The following IL17RD variants were observed in gnomAD, a reference collection of about 807,000 sequenced individuals.
IL17RD encodes the protein interleukin 17 receptor D.
A neutral mutation model predicts 80.5 loss-of-function variants in IL17RD; 52 were observed. The ratio of observed to expected loss-of-function variants is 0.65; its 90% CI spans 0.52 to 0.81. The LOEUF (loss-of-function observed/expected upper bound fraction) is 0.81. Ranked by LOEUF, IL17RD falls within the 40% of genes least tolerant of loss-of-function variation. The pLI is 0.00. For missense variants in IL17RD, 1,024 were observed against 955.1 expected, an observed-to-expected ratio of 1.07 and a Z score of -0.95; for synonymous variants, 416 against 391.8, an observed-to-expected ratio of 1.06 and a Z score of -0.73.
In IL17RD at chr3:57,092,792, C is replaced by A. The variant is rs896580713; in HGVS notation, c.*3601G>T. On this transcript the variant is annotated 3_prime_UTR_variant, in exon 13 of 13. Coordinates refer to ENST00000296318, the MANE Select transcript of IL17RD (RefSeq NM_017563.5). Reference sequence around the variant, plus strand: ...AAAGAAGCAATCTAACTACTGGCTGCATTTAGCAAGAGCATTTTCTGGTGG... The same window carrying A: ...AAAGAAGCAATCTAACTACTGGCTGAATTTAGCAAGAGCATTTTCTGGTGG... The A allele has an allele frequency of 1.3e-5, 2 of 152,176 alleles. No individual in the cohort carries two copies. The highest frequency in any genetic ancestry group is 2.9e-5 in the Non-Finnish European group (2 of 68,028). The allele number at this position is 152,176 out of a possible 1,614,324, so 9.4% of individuals were successfully genotyped here. A position where few individuals can be genotyped will look rare whatever the true frequency, so the allele number is the denominator to read the frequency against.
chr3:57,100,598 G>A (rs571982689), intron 11 of IL17RD, among the ~76,000 whole-genome samples: 1 of 152,252 alleles, frequency 6.6e-6, no homozygotes, highest in South Asian at 2.1e-4. Context: ...TCTGGCCAGT[G>A]CCGTCTCCTG....
chr3:57,114,321 G>A (rs949061605), intron 3 of IL17RD, among the ~76,000 whole-genome samples: 1 of 152,180 alleles, frequency 6.6e-6, no homozygotes, highest in Non-Finnish European at 1.5e-5. Context: ...TGTCCGCGGA[G>A]ACTGCTAATG....
In IL17RD at chr3:57,096,487, G is replaced by T; in HGVS notation, c.2126C>A (p.Ala709Asp). ...AGAAGAGAGGAGCTTGGAAGGAAGG[G>T]CAGGAGGTTCCTCCTCACCTAAGGA... is the stretch of plus-strand genomic sequence containing the variant. ...SSGLGEEEPP[A>D]LPSKLLSSGS... Residue 709 changes from alanine (A) to aspartate (D), a missense_variant, in exon 13 of 13, where the codon GCC becomes GAC. Coordinates refer to ENST00000296318, the MANE Select transcript of IL17RD (RefSeq NM_017563.5). 1 of 1,612,778 alleles carries T rather than the reference G, an allele frequency of 6.2e-7. No individual in the cohort carries two copies. Among genetic ancestry groups the T allele is most frequent in the Non-Finnish European group, 8.5e-7 (1 of 1,178,748 alleles).
rs1433927455 is a variant in IL17RD, at chr3:57,105,846, C to T, written c.747+11G>A. ...CACGCAGTGTTCCTTTATATACACC[C>T]AGCAGCTCACCTGCTTACAGGTCTT... On this transcript the variant is annotated intron_variant, in intron 7 of 12. Coordinates refer to ENST00000296318, the MANE Select transcript of IL17RD (RefSeq NM_017563.5). The T allele has an allele frequency of 1.2e-6, 2 of 1,612,380 alleles. No homozygotes were observed. Among genetic ancestry groups the T allele is most frequent in the East Asian group, 2.2e-5 (1 of 44,870 alleles).
intron 1 of IL17RD, among the ~76,000 whole-genome samples, chr3:57,157,232 A>G (rs904238969): frequency 1.3e-5 from 2 of 152,190 alleles, no homozygotes; most frequent in African/African-American, 4.8e-5. Flanking sequence ...TTGAATGTCA[A>G]CAAACTGCTT....
At chr3:57,097,083 G>A (rs59125473) in intron 12 of IL17RD, among the ~76,000 whole-genome samples, 9,359 of 151,942 alleles carry the variant, frequency 0.062, 395 homozygotes, top group African/African-American at 0.12. Flanking sequence ...AGCCTGAGAT[G>A]GCATCTACCT....
Position 57,093,438 on chromosome 3 carries a change from C to T in IL17RD, c.*2955G>A, listed in dbSNP as rs551967499. On this transcript the variant is annotated 3_prime_UTR_variant, in exon 13 of 13. Coordinates refer to ENST00000296318, the MANE Select transcript of IL17RD (RefSeq NM_017563.5). ...TTTTCCTCAAGGAATAAAATTGGTC[C>T]TCTTGCCCCTTATTTCTTTTAAAAG... is the stretch of plus-strand genomic sequence containing the variant. 3.9e-5 allele frequency: 6 copies of T among 152,182 alleles called. No individual in the cohort carries two copies. In the East Asian group the frequency reaches 1.2e-3, roughly 29 times the overall value. The allele number at this position is 152,182 out of a possible 1,614,324, so 9.4% of individuals were successfully genotyped here. A position where few individuals can be genotyped will look rare whatever the true frequency, so the allele number is the denominator to read the frequency against.
At position 57,105,866 on chromosome 3, in the gene IL17RD, G is replaced by A. The variant is rs143892890; in HGVS notation, c.738C>T (p.Thr246=). 1.2e-6 allele frequency: 2 copies of A among 1,613,702 alleles called. No individual in the cohort carries two copies. The highest frequency in any genetic ancestry group is 1.1e-5 in the South Asian group (1 of 91,042). ...LKHEGPFKRK[T]CKQEQTTETT... ...ACACCCAGCAGCTCACCTGCTTACA[G>A]GTCTTTCGCTTGAAAGGTCCTTCGT... Residue 246 remains threonine (T), a synonymous_variant, in exon 7 of 13, where the codon ACC becomes ACT. Transcript: ENST00000296318.
At chr3:57,146,045 G>GCA (rs1553627648) in intron 1 of IL17RD, among the ~76,000 whole-genome samples, 3,969 of 151,232 alleles carry the variant, frequency 0.026, 71 homozygotes, top group Admixed American at 0.045. Flanking sequence ...GCGCGCGCGC[G>GCA]CACACACACA....
At position 57,095,296 on chromosome 3, in the gene IL17RD, T is replaced by C. The variant is rs1171340153; in HGVS notation, c.*1097A>G. On this transcript the variant is annotated 3_prime_UTR_variant, in exon 13 of 13. Coordinates refer to ENST00000296318, the MANE Select transcript of IL17RD (RefSeq NM_017563.5). ...AGATGGGATGTGAACAATTGTTTTT[T>C]CTTTAGAAATAGAAACTCTGTAGAA... 6.6e-6 allele frequency: 1 copy of C among 152,256 alleles called. No individual in the cohort carries two copies. Among genetic ancestry groups the C allele is most frequent in the African/African-American group, 2.4e-5 (1 of 41,462 alleles). The allele number at this position is 152,256 out of a possible 1,614,324, so 9.4% of individuals were successfully genotyped here.
At chr3:57,110,077 G>C in intron 4 of IL17RD, 116 bp downstream of exon 4, 2 of 1,182,574 alleles carry the variant, frequency 1.7e-6, no homozygotes, top group Admixed American at 2.2e-5. Flanking sequence ...TGCCCACCTT[G>C]GCGGGTGGGG....
At chr3:57,125,355 C>T (rs1707436981) in intron 1 of IL17RD, among the ~76,000 whole-genome samples, 1 of 151,800 alleles carries the variant, frequency 6.6e-6, no homozygotes, top group Admixed American at 6.6e-5. Flanking sequence ...TGCAGTGAGC[C>T]AAGATCGCGC....
chr3:57,114,964 T>G, intron 2 of IL17RD, 147 bp from the exon 3 acceptor site: 2 of 591,922 alleles, frequency 3.4e-6, no homozygotes, highest in Non-Finnish European at 5.7e-6. Flanking sequence ...AAATAAGACA[T>G]GAGAGGTTGA....
intron 2 of IL17RD, among the ~76,000 whole-genome samples, chr3:57,116,862 C>T (rs1255690958): frequency 6.8e-6 from 1 of 146,516 alleles, no homozygotes; most frequent in African/African-American, 2.5e-5. Flanking sequence ...CTGTAAAAAT[C>T]CTGGCTGAGA....
At chr3:57,160,356 T>C (rs1559488547) in intron 1 of IL17RD, among the ~76,000 whole-genome samples, 1 of 152,096 alleles carries the variant, frequency 6.6e-6, no homozygotes, top group Non-Finnish European at 1.5e-5. Flanking sequence ...TGAAAAATAC[T>C]TAAAAGCACT....
intron 1 of IL17RD, among the ~76,000 whole-genome samples, chr3:57,132,246 G>A (rs1283299884): frequency 6.6e-6 from 1 of 151,952 alleles, no homozygotes; most frequent in East Asian, 1.9e-4. Context: ...GCCGAAGTTG[G>A]GGGATCACAA....
At chr3:57,162,521 G>A (rs1047191378) in intron 1 of IL17RD, among the ~76,000 whole-genome samples, 2 of 152,180 alleles carry the variant, frequency 1.3e-5, no homozygotes, top group African/African-American at 4.8e-5. Context: ...CTCCCTGACA[G>A]AGCAACTTCT....
chr3:57,131,331 C>G (rs1041282828), intron 1 of IL17RD, among the ~76,000 whole-genome samples: 3 of 152,192 alleles, frequency 2.0e-5, no homozygotes, highest in African/African-American at 4.8e-5. Flanking sequence ...AACTCACACT[C>G]GCTGAGTGCC....
At chr3:57,106,935 C>T (rs35620988) in intron 5 of IL17RD, among the ~76,000 whole-genome samples, 2,702 of 152,210 alleles carry the variant, frequency 0.018, 32 homozygotes, top group Non-Finnish European at 0.026. Flanking sequence ...TCTATGCCAA[C>T]GGGAAAAATT....
Sources: allele counts gnomAD v4.1 joint callset (sites outside exome capture counted in the v4.1 genomes callset), GRCh38; gene constraint gnomAD v4.1.1; transcripts MANE v1.5; gene names NCBI Gene and HGNC (gene_info 2026-07-23, HGNC 2026-07-21).